The following HFM1 variants were observed in gnomAD, a reference collection of about 807,000 sequenced individuals.
HFM1 encodes helicase for meiosis 1, also known as probable ATP-dependent DNA helicase HFM1.
Under a neutral mutation model 192.1 loss-of-function variants are expected in HFM1, and 169 were observed. The ratio of observed to expected loss-of-function variants is 0.88; its 90% CI spans 0.78 to 1.00. The LOEUF (loss-of-function observed/expected upper bound fraction) is 1.00, where lower values mean the gene tolerates loss of function less well. Ranked by LOEUF, HFM1 falls within the 50% of genes least tolerant of loss-of-function variation. The pLI is 0.00. For synonymous variants in HFM1, 525 were observed against 537.8 expected, an observed-to-expected ratio of 0.98 and a Z score of 0.33; for missense variants, 1,661 against 1,668.0, an observed-to-expected ratio of 1.00 and a Z score of 0.07.
intron 32 of HFM1, among the ~76,000 whole-genome samples, chr1:91,275,324 T>G (rs938637412): frequency 6.6e-6 from 1 of 152,196 alleles, no homozygotes; most frequent in Admixed American, 6.5e-5. Flanking sequence ...AGGTCTCTTC[T>G]TACACTACAC....
chr1:91,352,348 T>A (rs1657049794), intron 16 of HFM1, among the ~76,000 whole-genome samples, 158 bp downstream of exon 16: 1 of 151,926 alleles, frequency 6.6e-6, no homozygotes, highest in South Asian at 2.1e-4. Context: ...TCCCAGTTGG[T>A]GAGGCTTGTC....
chr1:91,315,202 A>AAATAATTC (rs1346541461), intron 28 of HFM1, among the ~76,000 whole-genome samples: 1 of 152,228 alleles, frequency 6.6e-6, no homozygotes, highest in African/African-American at 2.4e-5. Context: ...TACAAATATT[A>AAATAATTC]AATAATTCAA....
At chr1:91,351,460 C>G in intron 17 of HFM1, 89 bp downstream of exon 17, 1 of 715,472 alleles carries the variant, frequency 1.4e-6, no homozygotes, top group South Asian at 1.9e-5. Context: ...AAAAAAATCT[C>G]CAAACCAAAT....
At chr1:91,292,488 C>T (rs989222815) in intron 30 of HFM1, among the ~76,000 whole-genome samples, 5 of 151,058 alleles carry the variant, frequency 3.3e-5, no homozygotes, top group Non-Finnish European at 7.4e-5. Context: ...AGGAATCCAA[C>T]TTACAAGGGA....
At chr1:91,266,234 A>T (rs1473936622) in intron 35 of HFM1, 127 bp from the exon 36 acceptor site, 1 of 685,332 alleles carries the variant, frequency 1.5e-6, no homozygotes, top group African/African-American at 1.9e-5. Flanking sequence ...AATTCTCAGT[A>T]ACCTAATTTA....
chr1:91,293,704 T>C (rs1036380584), intron 30 of HFM1, among the ~76,000 whole-genome samples: 1 of 151,864 alleles, frequency 6.6e-6, no homozygotes, highest in Non-Finnish European at 1.5e-5. Context: ...ACTAGGTATA[T>C]ACCCAAAGGA....
chr1:91,394,692 C>T (rs990812496), intron 3 of HFM1, among the ~76,000 whole-genome samples: 3 of 151,520 alleles, frequency 2.0e-5, no homozygotes, highest in African/African-American at 7.3e-5. Context: ...TCTTTCTGAC[C>T]CATAACAAAT....
intron 19 of HFM1, 46 bp downstream of exon 19, chr1:91,347,383 C>A (rs1656277120): frequency 9.0e-7 from 1 of 1,113,540 alleles, no homozygotes; most frequent in Non-Finnish European, 1.3e-6. Flanking sequence ...TGAACTTTTT[C>A]ACTAAAATAT....
chr1:91,378,558 T>C (rs1263634992), intron 9 of HFM1, 78 bp from the exon 10 acceptor site: 13 of 856,984 alleles, frequency 1.5e-5, no homozygotes, highest in Non-Finnish European at 2.4e-5. Context: ...AAAAACATTT[T>C]TAACATGACG....
Position 91,396,627 on chromosome 1 carries a change from G to A in HFM1, c.72-222C>T, listed in dbSNP as rs1663695846. ...TGTGAGATATGCTACCTAAATAATG[G>A]CAATAACTCTATCTCCTTTTCTCCA... On this transcript the variant is annotated intron_variant, in intron 2 of 38. Transcript: ENST00000370425. 3.9e-5 allele frequency among the ~76,000 whole-genome samples: 6 copies of A among 152,080 alleles called. No individual in the cohort carries two copies. The South Asian group carries it at 1.2e-3, about 32-fold the overall frequency.
intron 20 of HFM1, among the ~76,000 whole-genome samples, chr1:91,333,216 G>T (rs898769789): frequency 1.3e-5 from 2 of 152,194 alleles, no homozygotes; most frequent in African/African-American, 4.8e-5. Flanking sequence ...TCCATCAACA[G>T]ATGAATGGAT....
chr1:91,316,527 A>C, intron 25 of HFM1, 51 bp from the exon 26 acceptor site: 1 of 797,538 alleles, frequency 1.3e-6, no homozygotes, highest in South Asian at 2.7e-5. Flanking sequence ...CTTTAAATAA[A>C]ACATATATTT....
Position 91,267,827 on chromosome 1 carries a change from T to C in HFM1, c.3801A>G (p.Gly1267=). ...KEVLNVNFEL[G]NEVWDDFDDE... is the part of the protein sequence containing the mutation. ...CATCAAAATCATCCCAAACTTCATT[T>C]CCCAATTCAAAGTTCACATTCAAAA... The change falls in exon 35 of 39, where the codon GGA becomes GGG. Residue 1267 remains glycine (G), a synonymous_variant. Transcript: ENST00000370425. The C allele has an allele frequency of 6.3e-7, 1 of 1,581,716 alleles. No homozygotes were observed.
intron 20 of HFM1, among the ~76,000 whole-genome samples, chr1:91,337,544 C>T (rs557479278): frequency 1.2e-4 from 18 of 152,230 alleles, no homozygotes; most frequent in Middle Eastern, 3.4e-3. Context: ...TAAGAAATTA[C>T]AAACCCAGCA....
chr1:91,303,419 T>C (rs1649136590), intron 30 of HFM1, among the ~76,000 whole-genome samples: 1 of 152,218 alleles, frequency 6.6e-6, no homozygotes, highest in Non-Finnish European at 1.5e-5. Context: ...CATCAGTTGA[T>C]AGATATTTGG....
chr1:91,261,352 G>A lies in HFM1; in HGVS notation c.4246C>T (p.His1416Tyr). The A allele has an allele frequency of 7.2e-7, 1 of 1,390,140 alleles. No homozygotes were observed. The highest frequency in any genetic ancestry group is 9.5e-7 in the Non-Finnish European group (1 of 1,054,848). 86.1% of individuals were successfully genotyped at this position (1,390,140 alleles called of 1,614,324 possible). A position where few individuals can be genotyped will look rare whatever the true frequency, so the allele number is the denominator to read the frequency against. Reference sequence around the variant, plus strand: ...ATTTCATCAGCTTCATCATCAGGATGATACATACTGGGAGAAAGAAGAAAA... The same window carrying A: ...ATTTCATCAGCTTCATCATCAGGATAATACATACTGGGAGAAAGAAGAAAA... ...CKKEVDFSMYHPDDEADEMKS... is the reference protein window; with the variant it reads ...CKKEVDFSMYYPDDEADEMKS... The change falls in exon 39 of 39, where the codon CAT becomes TAT. Residue 1416 changes from histidine to tyrosine, a missense_variant. His to Tyr is a moderately conservative substitution (Grantham distance 83, BLOSUM62 2). Transcript: ENST00000370425.
chr1:91,346,088 T>C (rs537075846), intron 19 of HFM1, among the ~76,000 whole-genome samples: 12 of 151,640 alleles, frequency 7.9e-5, no homozygotes, highest in Non-Finnish European at 1.6e-4. Flanking sequence ...GTGTCAGCTG[T>C]GAACATTGCA....
chr1:91,352,635 TA>T lies in HFM1; in HGVS notation c.1847del (p.Leu616Ter). ...DLPVLFTTST[L>X]AMGVNLPAHL... ...GAGCAGGCAAATTTACTCCCATAGCTAAAGTACTGGTAGTAACTGCATCAGA... is the reference window on the plus strand; with the variant it reads ...GAGCAGGCAAATTTACTCCCATAGCTAAGTACTGGTAGTAACTGCATCAGA... On this transcript the variant is annotated frameshift_variant, in exon 16 of 39. Coordinates refer to ENST00000370425, the MANE Select transcript of HFM1 (RefSeq NM_001017975.6). LOFTEE classifies it high-confidence loss of function. 6.2e-7 allele frequency: 1 copy of T among 1,607,038 alleles called. No homozygotes were observed. Among genetic ancestry groups the T allele is most frequent in the African/African-American group, 1.3e-5 (1 of 74,680 alleles).
At chr1:91,395,206 A>C (rs282008) in intron 3 of HFM1, among the ~76,000 whole-genome samples, 151,629 of 152,166 alleles carry the variant, frequency 1, 75,548 homozygotes, top group East Asian at 1. Context: ...TTCTGCATCT[A>C]GCTTTTTTCA....
Sources: allele counts gnomAD v4.1 joint callset (sites outside exome capture counted in the v4.1 genomes callset), GRCh38; gene constraint gnomAD v4.1.1; transcripts MANE v1.5; gene names NCBI Gene and HGNC (gene_info 2026-07-23, HGNC 2026-07-21).